ATP5MK: variants seen among roughly 807,000 people sequenced by gnomAD.
ATP5MK encodes the protein ATP synthase membrane subunit k.
ATP5MK carries 5 observed loss-of-function variants against 6.6 expected under a neutral mutation model. That is an observed-to-expected ratio of 0.76 (90% confidence interval 0.40 to 1.60). The LOEUF is 1.60. ATP5MK is among the 40% of genes most tolerant of loss of function. The pLI is 0.02. For synonymous variants in ATP5MK, 30 were observed against 24.5 expected (o/e 1.22, Z -0.66); for missense variants, 57 against 66.6 (o/e 0.86, Z 0.50).
intron 4 of ATP5MK, among the ~76,000 whole-genome samples, chr10:103,391,403 T>C (rs1298648497): frequency 1.3e-5 from 2 of 152,236 alleles, no homozygotes; most frequent in Non-Finnish European, 2.9e-5. Context: ...AAATTAAAGA[T>C]ATATTTGGTA....
At chr10:103,396,188 G>C (rs1045162632) in intron 1 of ATP5MK, 156 bp from the exon 2 acceptor site, 2 of 152,320 alleles carry the variant, frequency 1.3e-5, no homozygotes, top group African/African-American at 4.8e-5. Flanking sequence ...AGGGTCTTCG[G>C]AAACTGTGGG....
At chr10:103,389,699 A>C (rs896458490) in intron 4 of ATP5MK, among the ~76,000 whole-genome samples, 1 of 152,122 alleles carries the variant, frequency 6.6e-6, no homozygotes, top group Admixed American at 6.5e-5. Context: ...TCCTAAAGGT[A>C]TACTATTGGA....
chr10:103,389,923 G>A (rs948357312), intron 4 of ATP5MK, among the ~76,000 whole-genome samples: 2 of 150,774 alleles, frequency 1.3e-5, no homozygotes, highest in African/African-American at 4.9e-5. Context: ...GTAGAGATGG[G>A]GTTTCACCAT....
At chr10:103,390,154 A>G (rs748921879) in intron 4 of ATP5MK, among the ~76,000 whole-genome samples, 10 of 152,130 alleles carry the variant, frequency 6.6e-5, no homozygotes, top group Non-Finnish European at 1.2e-4. Flanking sequence ...ATTCTCGGAT[A>G]TGCACTCCCT....
At chr10:103,395,324 G>T (rs1394836541) in intron 2 of ATP5MK, among the ~76,000 whole-genome samples, 1 of 152,186 alleles carries the variant, frequency 6.6e-6, no homozygotes, top group Non-Finnish European at 1.5e-5. Context: ...TTGAGACAAG[G>T]TCTCGCTCTG....
intron 2 of ATP5MK, 63 bp downstream of exon 2, chr10:103,395,683 G>A (rs1214332174): frequency 1.3e-5 from 2 of 152,288 alleles, no homozygotes; most frequent in Non-Finnish European, 2.9e-5. Context: ...AAAGTGACCA[G>A]TAGCTCTTGT....
rs994788605 is a variant in ATP5MK at position 103,396,396 on chromosome 10, C to T, written c.-297+13G>A. 1.3e-5 allele frequency: 2 copies of T among 152,388 alleles called. No individual in the cohort carries two copies. The highest frequency in any genetic ancestry group is 1.5e-5 in the Non-Finnish European group (1 of 68,184). The allele number at this position is 152,388 out of a possible 1,614,324, so 9.4% of individuals were successfully genotyped here. A position where few individuals can be genotyped will look rare whatever the true frequency, so the allele number is the denominator to read the frequency against. On this transcript the variant is annotated intron_variant, in intron 1 of 4. Transcript: ENST00000369815. ...GGCGCCAGGTCCAAGCCCGGACTCC[C>T]CTCTTCACCCACCTGCCAAAGCCGC...
intron 2 of ATP5MK, among the ~76,000 whole-genome samples, chr10:103,393,909 T>C (rs1431181700): frequency 1.3e-5 from 2 of 152,210 alleles, no homozygotes; most frequent in East Asian, 1.9e-4. Flanking sequence ...CGTTCAATTT[T>C]GTAAGAAAAA....
At chr10:103,395,599 C>CT (rs1056537827) in intron 2 of ATP5MK, 147 bp downstream of exon 2, 1 of 152,344 alleles carries the variant, frequency 6.6e-6, no homozygotes, top group African/African-American at 2.4e-5. Context: ...CGCCCGGCCA[C>CT]TAACTGCTCT....
intron 2 of ATP5MK, among the ~76,000 whole-genome samples, chr10:103,395,447 G>A (rs530435851): frequency 2.6e-4 from 40 of 152,214 alleles, no homozygotes; most frequent in African/African-American, 9.4e-4. Flanking sequence ...ACAGGCGCGC[G>A]CCACCACGCC....
At chr10:103,392,348 T>C in intron 3 of ATP5MK, 23 bp downstream of exon 3, 1 of 1,589,240 alleles carries the variant, frequency 6.3e-7, no homozygotes, top group Non-Finnish European at 8.5e-7. Context: ...AAAATATAAC[T>C]GCTTAAAGTT....
At chr10:103,392,571 A>C (rs2093417867) in intron 2 of ATP5MK, 105 bp from the exon 3 acceptor site, 1 of 765,922 alleles carries the variant, frequency 1.3e-6, no homozygotes, top group Non-Finnish European at 2.1e-6. Context: ...CACTGCATAT[A>C]AATACTGTAA....
chr10:103,393,843 C>T (rs938657894), intron 2 of ATP5MK, among the ~76,000 whole-genome samples: 15 of 152,238 alleles, frequency 9.9e-5, no homozygotes, highest in Admixed American at 7.9e-4. Flanking sequence ...TTCCATTAAA[C>T]GACACACAAC....
intron 2 of ATP5MK, among the ~76,000 whole-genome samples, chr10:103,395,473 T>C (rs754325652): frequency 3.3e-5 from 5 of 151,850 alleles, no homozygotes; most frequent in Non-Finnish European, 7.4e-5. Flanking sequence ...AATTTTTGTA[T>C]TGTTGGTAGG....
chr10:103,395,108 G>A (rs916219759), intron 2 of ATP5MK, among the ~76,000 whole-genome samples: 1 of 152,112 alleles, frequency 6.6e-6, no homozygotes, highest in East Asian at 1.9e-4. Flanking sequence ...CTCAAATGGA[G>A]GGCCAAATGG....
At chr10:103,390,117 C>T (rs777478024) in intron 4 of ATP5MK, among the ~76,000 whole-genome samples, 16 of 152,130 alleles carry the variant, frequency 1.1e-4, no homozygotes, top group Non-Finnish European at 2.4e-4. Context: ...ACTACCTGTT[C>T]GTCAGGAATA....
chr10:103,389,379 A>G (rs1031558143), intron 4 of ATP5MK, among the ~76,000 whole-genome samples: 7 of 152,110 alleles, frequency 4.6e-5, no homozygotes, highest in African/African-American at 7.2e-5. Flanking sequence ...CTGGAGTGCA[A>G]TGGCACAATC....
At chr10:103,393,371 G>T (rs2133648810) in intron 2 of ATP5MK, among the ~76,000 whole-genome samples, 1 of 152,178 alleles carries the variant, frequency 6.6e-6, no homozygotes, top group African/African-American at 2.4e-5. Flanking sequence ...GCGAGGTCAG[G>T]AGATCGAGAC....
chr10:103,389,128 T>G lies in ATP5MK; in HGVS notation c.*42A>C, dbSNP rs1168802274. Reference sequence around the variant, plus strand: ...CATTAGCTTCTCCAGGCATGGGAACTTAACAGATGAGGTTAAGAACCGTAG... The same window carrying G: ...CATTAGCTTCTCCAGGCATGGGAACGTAACAGATGAGGTTAAGAACCGTAG... On this transcript the variant is annotated 3_prime_UTR_variant, in exon 5 of 5. Coordinates refer to ENST00000369815, the MANE Select transcript of ATP5MK (RefSeq NM_001206427.2). 1 of 152,644 alleles carries G rather than the reference T, an allele frequency of 6.6e-6. No homozygotes were observed. Among genetic ancestry groups the G allele is most frequent in the South Asian group, 2.1e-4 (1 of 4,836 alleles). 9.5% of individuals were successfully genotyped at this position (152,644 alleles called of 1,614,324 possible). A position where few individuals can be genotyped will look rare whatever the true frequency, so the allele number is the denominator to read the frequency against.
Sources: allele counts gnomAD v4.1 joint callset (sites outside exome capture counted in the v4.1 genomes callset), GRCh38; gene constraint gnomAD v4.1.1; transcripts MANE v1.5; gene names NCBI Gene and HGNC (gene_info 2026-07-23, HGNC 2026-07-21).